LRBA: variants seen among roughly 807,000 people sequenced by gnomAD.
LRBA encodes the protein lipopolysaccharide-responsive and beige-like anchor protein.
In LRBA, 176 loss-of-function variants were observed where a neutral mutation model predicts 330.0. The observed-to-expected ratio is 0.53, with a 90% CI of 0.47 to 0.60. The LOEUF (loss-of-function observed/expected upper bound fraction) is 0.60. Ranked by LOEUF, LRBA falls within the 20% of genes least tolerant of loss-of-function variation. The pLI, the probability that LRBA is intolerant of heterozygous loss-of-function variation, is 0.00. For synonymous variants in LRBA, 1,230 were observed against 1,193.0 expected (o/e 1.03, Z -0.64); for missense variants, 3,259 against 3,444.8 (o/e 0.95, Z 1.35).
Position 150,349,991 on chromosome 4 carries a change from C to A in LRBA, c.7362+1G>T. ...TTGCTTTCTCAATTCAGATAACTTACCTCTCTCAACACAGGATCAGTTATT... is the reference window on the plus strand; with the variant it reads ...TTGCTTTCTCAATTCAGATAACTTAACTCTCTCAACACAGGATCAGTTATT... On this transcript the variant is annotated splice_donor_variant, in intron 48 of 56. Coordinates refer to ENST00000651943, the MANE Select transcript of LRBA (RefSeq NM_001364905.1). LOFTEE classifies it high-confidence loss of function. 2 of 1,613,008 alleles carry A rather than the reference C, an allele frequency of 1.2e-6. No homozygotes were observed. Among genetic ancestry groups the A allele is most frequent in the African/African-American group, 1.3e-5 (1 of 74,914 alleles).
intron 2 of LRBA, among the ~76,000 whole-genome samples, chr4:150,947,336 G>A (rs529500203): frequency 6.6e-6 from 1 of 151,452 alleles, no homozygotes; most frequent in South Asian, 2.1e-4. Flanking sequence ...TTTACACCAT[G>A]GCCAAGTAGA....
At chr4:150,945,794 A>T (rs1488334629) in intron 2 of LRBA, among the ~76,000 whole-genome samples, 3 of 152,032 alleles carry the variant, frequency 2.0e-5, no homozygotes, top group Admixed American at 6.6e-5. Flanking sequence ...GTGAGGAATT[A>T]AGGCATATTT....
At chr4:150,369,836 A>T (rs1232395599) in intron 47 of LRBA, among the ~76,000 whole-genome samples, 1 of 152,144 alleles carries the variant, frequency 6.6e-6, no homozygotes, top group Admixed American at 6.5e-5. Context: ...TGCCTTTATA[A>T]GAGCATTAGT....
chr4:150,675,971 T>G (rs1200012352), intron 37 of LRBA, among the ~76,000 whole-genome samples: 2 of 152,226 alleles, frequency 1.3e-5, no homozygotes, highest in Non-Finnish European at 2.9e-5. Context: ...GAACTTATTT[T>G]AATAGTAAGA....
chr4:150,697,325 G>GAAAAAAAAA (rs60145657), intron 36 of LRBA, among the ~76,000 whole-genome samples: 1,073 of 28,044 alleles, frequency 0.038, 420 homozygotes, highest in Non-Finnish European at 0.052. Flanking sequence ...CTTTGTCTCA[G>GAAAAAAAAA]AAAAAAAAAA....
At chr4:150,568,553 T>A (rs936862229) in intron 40 of LRBA, among the ~76,000 whole-genome samples, 10 of 152,214 alleles carry the variant, frequency 6.6e-5, no homozygotes, top group Non-Finnish European at 1.2e-4. Context: ...CTATACCTGG[T>A]TTGAAGAGAA....
At chr4:150,606,387 T>C (rs1167342140) in intron 37 of LRBA, among the ~76,000 whole-genome samples, 4 of 152,140 alleles carry the variant, frequency 2.6e-5, no homozygotes, top group Non-Finnish European at 2.9e-5. Flanking sequence ...AAATCTATTA[T>C]ACTGTCCCCA....
intron 17 of LRBA, among the ~76,000 whole-genome samples, chr4:150,876,938 C>A (rs905103159): frequency 1.3e-5 from 2 of 152,076 alleles, no homozygotes; most frequent in African/African-American, 4.8e-5. Flanking sequence ...AAAAACAAAA[C>A]TCATCCATCT....
rs559357346 is a variant in LRBA at position 150,303,111 on chromosome 4, GCCCAGGAGAA to G, written c.7850-329_7850-320del. ...GAATCATGTTTACTGATTAAAGCAG[GCCCAGGAGAA>G]CCCTTTTGGAACCATTTTAACACTT... On this transcript the variant is annotated intron_variant, in intron 52 of 56. Transcript: ENST00000651943. Among the ~76,000 whole-genome samples the G allele has an allele frequency of 9.2e-5, 14 of 152,248 alleles. No individual in the cohort carries two copies. The South Asian group carries it at 2.9e-3, about 32-fold the overall frequency.
chr4:150,811,669 A>AT (rs1266648774), intron 31 of LRBA, among the ~76,000 whole-genome samples: 1 of 151,740 alleles, frequency 6.6e-6, no homozygotes, highest in African/African-American at 2.4e-5. Context: ...CGTTCAGCTA[A>AT]TTTTTTTTAA....
chr4:150,574,716 A>G (rs1425091619), intron 40 of LRBA, among the ~76,000 whole-genome samples: 1 of 152,102 alleles, frequency 6.6e-6, no homozygotes, highest in Non-Finnish European at 1.5e-5. Context: ...AGCTTTGATT[A>G]GCAGAAAAGA....
chr4:150,355,485 AT>A (rs1737715123), intron 47 of LRBA, among the ~76,000 whole-genome samples: 1 of 152,132 alleles, frequency 6.6e-6, no homozygotes, highest in South Asian at 2.1e-4. Context: ...AATGATTTTT[AT>A]AAAAAGTTAA....
intron 36 of LRBA, among the ~76,000 whole-genome samples, chr4:150,721,976 CT>C (rs1728999324): frequency 6.6e-6 from 1 of 152,168 alleles, no homozygotes; most frequent in East Asian, 1.9e-4. Context: ...TGTCCTTGGT[CT>C]GTGTTCCCCA....
At chr4:150,960,244 C>T (rs964123604) in intron 2 of LRBA, among the ~76,000 whole-genome samples, 3 of 148,916 alleles carry the variant, frequency 2.0e-5, no homozygotes, top group Admixed American at 2.0e-4. Context: ...GACAACCTGA[C>T]ATAAGAGCCT....
chr4:150,928,930 G>C lies in LRBA; in HGVS notation c.352C>G (p.Leu118Val). Residue 118 changes from leucine to valine, a missense_variant, in exon 3 of 57, where the codon CTG becomes GTG. Transcript: ENST00000651943. ...TGAAGATTCCGTATGCTTTTCTTCA[G>C]AATGGCTGTAAACATGCTCCAGACT... Reference protein sequence around the residue: ...AEVWSMFTAILKKSIRNLQVC... With the variant: ...AEVWSMFTAIVKKSIRNLQVC... 1 of 1,614,014 alleles carries C rather than the reference G, an allele frequency of 6.2e-7. No homozygotes were observed. The highest frequency in any genetic ancestry group is 2.2e-5 in the East Asian group (1 of 44,862).
At chr4:150,561,268 C>A (rs1021952027) in intron 40 of LRBA, among the ~76,000 whole-genome samples, 2 of 152,058 alleles carry the variant, frequency 1.3e-5, no homozygotes, top group Non-Finnish European at 2.9e-5. Flanking sequence ...AACTGAAGGG[C>A]TAGTAACACT....
At chr4:151,000,838 G>A (rs1023228702) in intron 2 of LRBA, among the ~76,000 whole-genome samples, 5 of 152,178 alleles carry the variant, frequency 3.3e-5, no homozygotes, top group Non-Finnish European at 5.9e-5. Flanking sequence ...ATAGAAAAAT[G>A]ACAAGAAACA....
At chr4:150,543,657 A>T (rs1765551097) in intron 40 of LRBA, among the ~76,000 whole-genome samples, 1 of 152,196 alleles carries the variant, frequency 6.6e-6, no homozygotes, top group African/African-American at 2.4e-5. Flanking sequence ...TTAGATTTAC[A>T]TATATGGTCA....
rs70937395 is a variant in LRBA, at chr4:150,371,182, A to ATTTTTTTTTTTTT, written c.7195-21036_7195-21024dup. On this transcript the variant is annotated intron_variant, in intron 47 of 56. Transcript: ENST00000651943. The stretch of plus-strand genomic sequence containing the variant: ...AAAAGCATGAGCTGCAAGCTACTAA[A>ATTTTTTTTTTTTT]TTTTTTTTTTTTTTTTTTTTTTTTT... 5.3e-4 allele frequency among the ~76,000 whole-genome samples: 49 copies of ATTTTTTTTTTTTT among 91,924 alleles called. 3 individuals carry two copies. The highest frequency in any genetic ancestry group is 2.3e-3 in the African/African-American group (48 of 20,824). 60.3% of individuals were successfully genotyped at this position (91,924 alleles called of 152,430 possible).
Sources: allele counts gnomAD v4.1 joint callset (sites outside exome capture counted in the v4.1 genomes callset), GRCh38; gene constraint gnomAD v4.1.1; transcripts MANE v1.5; gene names NCBI Gene and HGNC (gene_info 2026-07-23, HGNC 2026-07-21).